The following TEX13D variants were observed in gnomAD, a reference collection of about 807,000 sequenced individuals.
TEX13D encodes TEX13 family member D.
For synonymous variants in TEX13D, 115 were observed against 104.5 expected (o/e 1.10, Z -0.61); for missense variants, 261 against 265.8 (o/e 0.98, Z 0.12).
At position 124,333,429 on chromosome X, in the gene TEX13D, A is replaced by G. The variant is rs1482693911; in HGVS notation, c.512A>G (p.Asn171Ser). 14 of 330,926 alleles carry G rather than the reference A, an allele frequency of 4.2e-5. No individual in the cohort carries two copies. The highest frequency in any genetic ancestry group is 7.2e-5 in the Non-Finnish European group (14 of 193,194). The allele number at this position is 330,926 out of a possible 1,213,427, so 27.3% of individuals were successfully genotyped here. A position where few individuals can be genotyped will look rare whatever the true frequency, so the allele number is the denominator to read the frequency against. Residue 171 changes from asparagine to serine, a missense_variant, in exon 1 of 1, where the codon AAT becomes AGT. Physicochemically the swap from Asn to Ser is conservative, Grantham distance 46 (BLOSUM62 1). Coordinates refer to ENST00000632372, the MANE Select transcript of TEX13D (RefSeq NM_001355534.2). ...ATGTCTGGGCCGCAAGCAGAGCAGA[A>G]TGGGGCTGCGGCATGTCCCCTGGCT... ...EIMSGPQAEQ[N>S]GAAACPLATE...
chrX:124,333,111 G>GCGCTTT lies in TEX13D; in HGVS notation c.194_195insCGCTTT (p.Arg65delinsSerAlaLeu). 6 of 443,912 alleles carry GCGCTTT rather than the reference G, an allele frequency of 1.4e-5. No homozygotes were observed. Among genetic ancestry groups the GCGCTTT allele is most frequent in the Non-Finnish European group, 2.0e-5 (5 of 253,374 alleles). The allele number at this position is 443,912 out of a possible 1,213,427, so 36.6% of individuals were successfully genotyped here. A position where few individuals can be genotyped will look rare whatever the true frequency, so the allele number is the denominator to read the frequency against. ...TCTCAGGTGCCGCGCGCCATCAAGAGGGCCTGTACCTGGAGCGCTTTGGCT... is the reference window on the plus strand; with the variant it reads ...TCTCAGGTGCCGCGCGCCATCAAGAGCGCTTTGGCCTGTACCTGGAGCGCTTTGGCT... On this transcript the variant is annotated protein_altering_variant, in exon 1 of 1. Coordinates refer to ENST00000632372, the MANE Select transcript of TEX13D (RefSeq NM_001355534.2).
rs1345605093 is a variant in TEX13D at position 124,332,838 on chromosome X, G to C, written c.-80G>C. On this transcript the variant is annotated 5_prime_UTR_variant, in exon 1 of 1. Transcript: ENST00000632372. Reference sequence around the variant, plus strand: ...GAGGTGAGGGGTGGACTGGTTGTCGGCAGCAGCCGGTACCGGAAGTGGCGG... The same window carrying C: ...GAGGTGAGGGGTGGACTGGTTGTCGCCAGCAGCCGGTACCGGAAGTGGCGG... 1 of 342,435 alleles carries C rather than the reference G, an allele frequency of 2.9e-6. No homozygotes were observed. Among genetic ancestry groups the C allele is most frequent in the Non-Finnish European group, 5.0e-6 (1 of 199,154 alleles). 28.2% of individuals were successfully genotyped at this position (342,435 alleles called of 1,213,427 possible). A position where few individuals can be genotyped will look rare whatever the true frequency, so the allele number is the denominator to read the frequency against.
chrX:124,334,065 T>G lies in TEX13D; in HGVS notation c.1148T>G (p.Met383Arg), dbSNP rs2059967844. The change falls in exon 1 of 1, where the codon ATG becomes AGG. Residue 383 changes from methionine (M) to arginine (R), a missense_variant. Transcript: ENST00000632372. ...GAAGGTCCAAAGAGGGCCCGGAGGATGCACACCCTGGTGTTTCGCAGGAGC... is the reference window on the plus strand; with the variant it reads ...GAAGGTCCAAAGAGGGCCCGGAGGAGGCACACCCTGGTGTTTCGCAGGAGC... ...QKEGPKRARR[M>R]HTLVFRRSHK... 2.1e-6 allele frequency: 2 copies of G among 935,378 alleles called. No individual in the cohort carries two copies. The highest frequency in any genetic ancestry group is 8.4e-5 in the East Asian group (2 of 23,902). The allele number at this position is 935,378 out of a possible 1,213,427, so 77.1% of individuals were successfully genotyped here.
Position 124,333,390 on chromosome X carries a change from T to A in TEX13D, c.473T>A (p.Leu158Gln). 1 of 347,724 alleles carries A rather than the reference T, an allele frequency of 2.9e-6. No homozygotes were observed. Among genetic ancestry groups the A allele is most frequent in the Non-Finnish European group, 4.9e-6 (1 of 202,417 alleles). The allele number at this position is 347,724 out of a possible 1,213,427, so 28.7% of individuals were successfully genotyped here. Residue 158 changes from leucine (L) to glutamine (Q), a missense_variant, in exon 1 of 1, where the codon CTG becomes CAG. Leu to Gln is a moderately radical substitution (Grantham distance 113). Coordinates refer to ENST00000632372, the MANE Select transcript of TEX13D (RefSeq NM_001355534.2). ...GAGAGGTTTCCCCAGGCCGCTCCAC[T>A]GGCCCATGAAATAATGTCTGGGCCG... ...QIERFPQAAP[L>Q]AHEIMSGPQA...
chrX:124,336,407 G>A lies in TEX13D; in HGVS notation c.*1345G>A, dbSNP rs192479856. The A allele has an allele frequency of 3.6e-5, 4 of 112,166 alleles. No homozygotes were observed. The highest frequency in any genetic ancestry group is 1.9e-4 in the Admixed American group (2 of 10,624). The allele number at this position is 112,166 out of a possible 1,213,427, so 9.2% of individuals were successfully genotyped here. On this transcript the variant is annotated 3_prime_UTR_variant, in exon 1 of 1. Transcript: ENST00000632372. ...AGCCTGCCTGAAAGACCACTGGGGT[G>A]TCTTGAAGAAAGACAGTGCTCTGAG... is the stretch of plus-strand genomic sequence containing the variant.
Position 124,334,846 on chromosome X carries a change from A to G in TEX13D, c.1929A>G (p.Glu643=). The change falls in exon 1 of 1, where the codon GAA becomes GAG. Residue 643 remains glutamate (E), a synonymous_variant. Transcript: ENST00000632372. ...ACAGCAGGAGCCATGGTGTCAGAGAAAGCCCAAAGAAATGGCAACCTCAGA... is the reference window on the plus strand; with the variant it reads ...ACAGCAGGAGCCATGGTGTCAGAGAGAGCCCAAAGAAATGGCAACCTCAGA... The part of the protein sequence containing the change: ...LGDSRSHGVR[E]SPKKWQPQRQ... The G allele has an allele frequency of 2.1e-6, 2 of 939,159 alleles. No homozygotes were observed. Among genetic ancestry groups the G allele is most frequent in the Middle Eastern group, 4.5e-4 (1 of 2,240 alleles). 77.4% of individuals were successfully genotyped at this position (939,159 alleles called of 1,213,427 possible). A position where few individuals can be genotyped will look rare whatever the true frequency, so the allele number is the denominator to read the frequency against.
At position 124,334,359 on chromosome X, in the gene TEX13D, A is replaced by C; in HGVS notation, c.1442A>C (p.Glu481Ala). ...AGCTATAGCCAGGAAGGAAGCCCAG[A>C]GAGGGCCCAGGGGATGGCCACCCTG... ...NRSYSQEGSP[E>A]RAQGMATLVF... Residue 481 changes from glutamate (E) to alanine (A), a missense_variant, in exon 1 of 1, where the codon GAG (glutamate) becomes GCG (alanine). By Grantham distance (107) the Glu-to-Ala change is moderately radical. Transcript: ENST00000632372. The C allele has an allele frequency of 2.4e-6, 1 of 422,004 alleles. No individual in the cohort carries two copies. Among genetic ancestry groups the C allele is most frequent in the East Asian group, 5.7e-5 (1 of 17,569 alleles). 34.8% of individuals were successfully genotyped at this position (422,004 alleles called of 1,213,427 possible).
Position 124,333,140 on chromosome X carries a change from A to G in TEX13D, c.223A>G (p.Ser75Gly). The G allele has an allele frequency of 2.3e-6, 1 of 443,381 alleles. No homozygotes were observed. The highest frequency in any genetic ancestry group is 3.9e-6 in the Non-Finnish European group (1 of 254,744). The allele number at this position is 443,381 out of a possible 1,213,427, so 36.5% of individuals were successfully genotyped here. Reference sequence around the variant, plus strand: ...CTGTACCTGGAGCGCTTTGGCTTTGAGCGTGCGAGTGGCCACGAGGCAGCG... The same window carrying G: ...CTGTACCTGGAGCGCTTTGGCTTTGGGCGTGCGAGTGGCCACGAGGCAGCG... ...RACTWSALAL[S>G]VRVATRQREE... Residue 75 changes from serine to glycine, a missense_variant, in exon 1 of 1, where the codon AGC (serine) becomes GGC (glycine). Transcript: ENST00000632372.
In TEX13D at chrX:124,334,027, A is replaced by G; in HGVS notation, c.1110A>G (p.Arg370=). The part of the protein sequence containing the change: ...QGMDPLGNRE[R]QNQKEGPKRA... ...TGGATCCCCTGGGGAACAGAGAGAG[A>G]CAAAATCAGAAAGAAGGTCCAAAGA... Residue 370 remains arginine, a synonymous_variant, in exon 1 of 1, where the codon AGA becomes AGG. Transcript: ENST00000632372. The G allele has an allele frequency of 1.1e-6, 1 of 935,284 alleles. No individual in the cohort carries two copies. Among genetic ancestry groups the G allele is most frequent in the South Asian group, 5.9e-5 (1 of 16,890 alleles). 77.1% of individuals were successfully genotyped at this position (935,284 alleles called of 1,213,427 possible). A position where few individuals can be genotyped will look rare whatever the true frequency, so the allele number is the denominator to read the frequency against.
rs1290870214 is a variant in TEX13D, at chrX:124,336,466, G to C, written c.*1404G>C. 3 of 112,241 alleles carry C rather than the reference G, an allele frequency of 2.7e-5. No individual in the cohort carries two copies. The highest frequency in any genetic ancestry group is 5.6e-5 in the Non-Finnish European group (3 of 53,299). 9.2% of individuals were successfully genotyped at this position (112,241 alleles called of 1,213,427 possible). On this transcript the variant is annotated 3_prime_UTR_variant, in exon 1 of 1. Coordinates refer to ENST00000632372, the MANE Select transcript of TEX13D (RefSeq NM_001355534.2). ...ACTACACACTCCAGCCCTCAGCCTC[G>C]GGCTGCCCCCATTCCAAGTCCCTTT...
At position 124,333,914 on chromosome X, in the gene TEX13D, C is replaced by T. The variant is rs1285952189; in HGVS notation, c.997C>T (p.Pro333Ser). The change falls in exon 1 of 1, where the codon CCG (proline) becomes TCG (serine). Residue 333 changes from proline (P) to serine (S), a missense_variant. Physicochemically the swap from Pro to Ser is moderately conservative, Grantham distance 74. Coordinates refer to ENST00000632372, the MANE Select transcript of TEX13D (RefSeq NM_001355534.2). Reference protein sequence around the residue: ...PLPGDSGCHNPLSESPQGTAP... With the variant: ...PLPGDSGCHNSLSESPQGTAP... ...CCCCGGGGACAGTGGGTGCCACAAC[C>T]CGCTGTCAGAGAGTCCCCAGGGGAC... is the stretch of plus-strand genomic sequence containing the variant. 1.7e-5 allele frequency: 8 copies of T among 484,434 alleles called. No individual in the cohort carries two copies. In the African/African-American group the frequency reaches 1.8e-4, roughly 11 times the overall value. The allele number at this position is 484,434 out of a possible 1,213,427, so 39.9% of individuals were successfully genotyped here. A position where few individuals can be genotyped will look rare whatever the true frequency, so the allele number is the denominator to read the frequency against.
Position 124,334,007 on chromosome X carries a change from C to A in TEX13D, c.1090C>A (p.Pro364Thr). The change falls in exon 1 of 1, where the codon CCC (proline) becomes ACC (threonine). Residue 364 changes from proline to threonine, a missense_variant. By Grantham distance (38) the Pro-to-Thr change is conservative (BLOSUM62 -1). Coordinates refer to ENST00000632372, the MANE Select transcript of TEX13D (RefSeq NM_001355534.2). The stretch of plus-strand genomic sequence containing the variant: ...TACAGAAGGACCCCAGGGGATGGAT[C>A]CCCTGGGGAACAGAGAGAGACAAAA... ...EGTEGPQGMD[P>T]LGNRERQNQK... 1 of 930,362 alleles carries A rather than the reference C, an allele frequency of 1.1e-6. No individual in the cohort carries two copies. The highest frequency in any genetic ancestry group is 4.5e-4 in the Middle Eastern group (1 of 2,207). 76.7% of individuals were successfully genotyped at this position (930,362 alleles called of 1,213,427 possible).
Position 124,333,700 on chromosome X carries a change from TC to T in TEX13D, c.785del (p.Pro262LeufsTer43). The T allele has an allele frequency of 3.4e-6, 1 of 297,521 alleles. No individual in the cohort carries two copies. The highest frequency in any genetic ancestry group is 5.9e-6 in the Non-Finnish European group (1 of 170,360). The allele number at this position is 297,521 out of a possible 1,213,427, so 24.5% of individuals were successfully genotyped here. A position where few individuals can be genotyped will look rare whatever the true frequency, so the allele number is the denominator to read the frequency against. Reference protein sequence around the residue: ...EAAAVPLQMPPTEIHPPCPWP... With the variant: ...EAAAVPLQMPXTEIHPPCPWP... ...CAGCAGCAGTCCCACTTCAGATGCC[TC>T]CTACTGAGATCCACCCACCTTGCCC... On this transcript the variant is annotated frameshift_variant, in exon 1 of 1. Coordinates refer to ENST00000632372, the MANE Select transcript of TEX13D (RefSeq NM_001355534.2). LOFTEE classifies it low-confidence loss of function (END_TRUNC).
Position 124,335,476 on chromosome X carries a change from C to T in TEX13D, c.*414C>T, listed in dbSNP as rs2059971795. On this transcript the variant is annotated 3_prime_UTR_variant, in exon 1 of 1. Coordinates refer to ENST00000632372, the MANE Select transcript of TEX13D (RefSeq NM_001355534.2). The stretch of plus-strand genomic sequence containing the variant: ...AAAAAGCCATGTATGTGGCTGGGAG[C>T]AGTTGTGTGATTTTAGAGTTAGAAG... 8.8e-6 allele frequency: 1 copy of T among 113,130 alleles called. No individual in the cohort carries two copies. The highest frequency in any genetic ancestry group is 9.4e-5 in the Admixed American group (1 of 10,586). 9.3% of individuals were successfully genotyped at this position (113,130 alleles called of 1,213,427 possible).
Position 124,333,000 on chromosome X carries a change from A to C in TEX13D, c.83A>C (p.Asp28Ala). Reference protein sequence around the residue: ...IRFINNEVLMDGSGPAFYVAF... With the variant: ...IRFINNEVLMAGSGPAFYVAF... Reference sequence around the variant, plus strand: ...TTCATTAACAATGAAGTCCTCATGGACGGCAGCGGCCCAGCCTTTTACGTG... The same window carrying C: ...TTCATTAACAATGAAGTCCTCATGGCCGGCAGCGGCCCAGCCTTTTACGTG... Residue 28 changes from aspartate (D) to alanine (A), a missense_variant, in exon 1 of 1, where the codon GAC becomes GCC. Coordinates refer to ENST00000632372, the MANE Select transcript of TEX13D (RefSeq NM_001355534.2). The C allele has an allele frequency of 2.1e-6, 1 of 471,836 alleles. No individual in the cohort carries two copies. The highest frequency in any genetic ancestry group is 3.8e-6 in the Non-Finnish European group (1 of 266,508). The allele number at this position is 471,836 out of a possible 1,213,427, so 38.9% of individuals were successfully genotyped here. A position where few individuals can be genotyped will look rare whatever the true frequency, so the allele number is the denominator to read the frequency against.
rs973256213 is a variant in TEX13D, at chrX:124,334,752, C to T, written c.1835C>T (p.Thr612Ile). The T allele has an allele frequency of 1.1e-6, 1 of 937,268 alleles. No homozygotes were observed. The highest frequency in any genetic ancestry group is 5.8e-5 in the Admixed American group (1 of 17,310). The allele number at this position is 937,268 out of a possible 1,213,427, so 77.2% of individuals were successfully genotyped here. The change falls in exon 1 of 1, where the codon ACC (threonine) becomes ATC (isoleucine). Residue 612 changes from threonine (T) to isoleucine (I), a missense_variant. By Grantham distance (89) the Thr-to-Ile change is moderately conservative (BLOSUM62 -1). Coordinates refer to ENST00000632372, the MANE Select transcript of TEX13D (RefSeq NM_001355534.2). Reference sequence around the variant, plus strand: ...CGAGAGAGGGCCCAGGGGATGGCCACCCTGGTGTTTAGCAGGAGCTGCAAA... The same window carrying T: ...CGAGAGAGGGCCCAGGGGATGGCCATCCTGGTGTTTAGCAGGAGCTGCAAA... Reference protein sequence around the residue: ...GSRERAQGMATLVFSRSCKPE... With the variant: ...GSRERAQGMAILVFSRSCKPE...
In TEX13D at chrX:124,334,128, T is replaced by C. The variant is rs2059968064; in HGVS notation, c.1211T>C (p.Val404Ala). 1 of 928,402 alleles carries C rather than the reference T, an allele frequency of 1.1e-6. No homozygotes were observed. 76.5% of individuals were successfully genotyped at this position (928,402 alleles called of 1,213,427 possible). A position where few individuals can be genotyped will look rare whatever the true frequency, so the allele number is the denominator to read the frequency against. Residue 404 changes from valine to alanine, a missense_variant, in exon 1 of 1, where the codon GTC (valine) becomes GCC (alanine). By Grantham distance (64) the Val-to-Ala change is moderately conservative. Coordinates refer to ENST00000632372, the MANE Select transcript of TEX13D (RefSeq NM_001355534.2). The part of the protein sequence containing the change: ...SEGPEGPQGT[V>A]PQGDSRSYSQ... The stretch of plus-strand genomic sequence containing the variant: ...GGTCCAGAGGGGCCCCAGGGGACGG[T>C]CCCCCAGGGAGACAGCAGAAGCTAC...
chrX:124,333,928 T>C lies in TEX13D; in HGVS notation c.1011T>C (p.Ser337=), dbSNP rs2059967570. Residue 337 remains serine (S), a synonymous_variant, in exon 1 of 1, where the codon AGT becomes AGC. Coordinates refer to ENST00000632372, the MANE Select transcript of TEX13D (RefSeq NM_001355534.2). The part of the protein sequence containing the change: ...DSGCHNPLSE[S]PQGTAPLGSS... ...GGTGCCACAACCCGCTGTCAGAGAGTCCCCAGGGGACAGCCCCACTGGGGA... is the reference window on the plus strand; with the variant it reads ...GGTGCCACAACCCGCTGTCAGAGAGCCCCCAGGGGACAGCCCCACTGGGGA... 3 of 572,692 alleles carry C rather than the reference T, an allele frequency of 5.2e-6. No individual in the cohort carries two copies. The highest frequency in any genetic ancestry group is 7.0e-6 in the Non-Finnish European group (3 of 427,956). The allele number at this position is 572,692 out of a possible 1,213,427, so 47.2% of individuals were successfully genotyped here.
At position 124,335,207 on chromosome X, in the gene TEX13D, C is replaced by T. The variant is rs1603235677; in HGVS notation, c.*145C>T. On this transcript the variant is annotated 3_prime_UTR_variant, in exon 1 of 1. Coordinates refer to ENST00000632372, the MANE Select transcript of TEX13D (RefSeq NM_001355534.2). The stretch of plus-strand genomic sequence containing the variant: ...AAAATTAAATAAAATAATTTATTAT[C>T]CCATTACCCAAATTAGCCATTTTAA... The T allele has an allele frequency of 1.7e-5, 7 of 406,792 alleles. No individual in the cohort carries two copies. The East Asian group carries it at 2.8e-4, about 16-fold the overall frequency. The allele number at this position is 406,792 out of a possible 1,213,427, so 33.5% of individuals were successfully genotyped here.
Sources: gnomAD v4.1 joint callset for allele counts on GRCh38, gnomAD v4.1.1 for gene constraint, MANE v1.5 for transcripts, NCBI Gene and HGNC (gene_info 2026-07-23, HGNC 2026-07-21) for gene names.